CFAP52: variants seen among roughly 807,000 people sequenced by gnomAD.
The protein encoded by CFAP52 is cilia and flagella associated protein 52, also known as cilia- and flagella-associated protein 52.
CFAP52 carries 57 observed loss-of-function variants against 70.5 expected under a neutral mutation model. That is an observed-to-expected ratio of 0.81 (90% CI 0.65 to 1.01). The LOEUF (loss-of-function observed/expected upper bound fraction) is 1.01, where lower values mean the gene tolerates loss of function less well. Among genes scored for constraint, CFAP52 ranks in the 50% least tolerant of loss-of-function variants. CFAP52 has a pLI of 0.00. For missense variants in CFAP52, 785 were observed against 788.5 expected (o/e 1.00, Z 0.05); for synonymous variants, 267 against 292.5 (o/e 0.91, Z 0.89).
At chr17:9,594,893 G>GT (rs11378454) in intron 4 of CFAP52, among the ~76,000 whole-genome samples, 8,642 of 130,682 alleles carry the variant, frequency 0.066, 955 homozygotes, top group African/African-American at 0.21. Context: ...ATTAGGGAGG[G>GT]TTTTTTTTTT....
At chr17:9,594,920 T>C (rs1908932815) in intron 4 of CFAP52, among the ~76,000 whole-genome samples, 2 of 150,562 alleles carry the variant, frequency 1.3e-5, no homozygotes, top group African/African-American at 4.9e-5. Flanking sequence ...TGACAGTGTT[T>C]TGCTGTGTCA....
At chr17:9,603,148 A>G (rs967446167) in intron 6 of CFAP52, among the ~76,000 whole-genome samples, 1 of 71,564 alleles carries the variant, frequency 1.4e-5, no homozygotes, top group Non-Finnish European at 3.7e-5. Context: ...GATGCTGGCT[A>G]TCTTAGGTTT....
At chr17:9,580,302 C>T (rs190466031) in intron 1 of CFAP52, among the ~76,000 whole-genome samples, 74 of 138,656 alleles carry the variant, frequency 5.3e-4, no homozygotes, top group Non-Finnish European at 9.5e-4. Flanking sequence ...AAAATATTTA[C>T]TCTCTGGACC....
chr17:9,613,137 C>T (rs1909776402), intron 8 of CFAP52, among the ~76,000 whole-genome samples: 1 of 151,612 alleles, frequency 6.6e-6, no homozygotes, highest in African/African-American at 2.4e-5. Context: ...ATCTGTGGTA[C>T]CTGTTTTCAA....
chr17:9,631,624 G>A (rs1451265443), intron 9 of CFAP52, among the ~76,000 whole-genome samples: 1 of 152,090 alleles, frequency 6.6e-6, no homozygotes, highest in Non-Finnish European at 1.5e-5. Flanking sequence ...TGGGTAGTTG[G>A]GCTAGGGGTG....
chr17:9,631,070 G>GAAAGAAAGAAAT (rs1464484839), intron 9 of CFAP52, among the ~76,000 whole-genome samples: 1 of 130,734 alleles, frequency 7.6e-6, no homozygotes, highest in African/African-American at 3.1e-5. Flanking sequence ...AAGAAAGAAA[G>GAAAGAAAGAAAT]AAAGAAAGAA....
chr17:9,595,971 A>C lies in CFAP52; in HGVS notation c.536+1650A>C, dbSNP rs1056282147. 2.0e-5 allele frequency among the ~76,000 whole-genome samples: 3 copies of C among 149,756 alleles called. No homozygotes were observed. In the East Asian group the frequency reaches 5.8e-4, roughly 29 times the overall value. On this transcript the variant is annotated intron_variant, in intron 4 of 13. Transcript: ENST00000352665. Reference sequence around the variant, plus strand: ...ATATATAACTCTGGGAGCTAAAAAAACAAAAGAAAAACTATATATATACAT... The same window carrying C: ...ATATATAACTCTGGGAGCTAAAAAACCAAAAGAAAAACTATATATATACAT...
intron 3 of CFAP52, among the ~76,000 whole-genome samples, chr17:9,593,460 TG>T (rs1567622961): frequency 6.6e-6 from 1 of 152,180 alleles, no homozygotes; most frequent in Non-Finnish European, 1.5e-5. Flanking sequence ...TTTTTGTTTT[TG>T]TTTTTTGTTT....
At chr17:9,612,058 T>G (rs1456572030) in intron 7 of CFAP52, among the ~76,000 whole-genome samples, 1 of 152,218 alleles carries the variant, frequency 6.6e-6, no homozygotes, top group Admixed American at 6.5e-5. Flanking sequence ...CTGCCTGCAT[T>G]GCACAACCCA....
intron 7 of CFAP52, among the ~76,000 whole-genome samples, chr17:9,612,017 G>T (rs1329591303): frequency 6.6e-6 from 1 of 152,184 alleles, no homozygotes; most frequent in Non-Finnish European, 1.5e-5. Flanking sequence ...GTACCCATAT[G>T]CCTGCCTGGA....
Position 9,638,671 on chromosome 17 carries a change from C to T in CFAP52, c.1535C>T (p.Pro512Leu). The change falls in exon 12 of 14, where the codon CCT becomes CTT. Residue 512 changes from proline (P) to leucine (L), a missense_variant. By Grantham distance (98) the Pro-to-Leu change is moderately conservative. Coordinates refer to ENST00000352665, the MANE Select transcript of CFAP52 (RefSeq NM_145054.5). The stretch of plus-strand genomic sequence containing the variant: ...TTATTCCAGTGTGTGTGCTATCACC[C>T]TGAGGAGTTCCAGATCATCACCAGC... Reference protein sequence around the residue: ...NTLFQCVCYHPEEFQIITSGT... With the variant: ...NTLFQCVCYHLEEFQIITSGT... 6.2e-7 allele frequency: 1 copy of T among 1,614,164 alleles called. No homozygotes were observed. The highest frequency in any genetic ancestry group is 8.5e-7 in the Non-Finnish European group (1 of 1,180,044).
At chr17:9,631,056 A>AGAGAGAGAGAGAGAGAG (rs1229380118) in intron 9 of CFAP52, among the ~76,000 whole-genome samples, 12 of 70,886 alleles carry the variant, frequency 1.7e-4, no homozygotes, top group African/African-American at 5.5e-4. Context: ...GAGAGAGAGA[A>AGAGAGAGAGAGAGAGAG]AGAAAGAAAG....
intron 4 of CFAP52, among the ~76,000 whole-genome samples, chr17:9,594,755 G>A (rs980302652): frequency 2.0e-5 from 3 of 152,112 alleles, no homozygotes; most frequent in Admixed American, 6.6e-5. Flanking sequence ...AAATAATTAC[G>A]GGCAGGATCA....
chr17:9,594,510 A>C, intron 4 of CFAP52, 189 bp downstream of exon 4: 1 of 640,998 alleles, frequency 1.6e-6, no homozygotes, highest in Non-Finnish European at 2.3e-6. Flanking sequence ...AGTTATTTTA[A>C]AATTCTGTGA....
intron 6 of CFAP52, among the ~76,000 whole-genome samples, chr17:9,603,458 C>G (rs1909359968): frequency 6.6e-6 from 1 of 152,228 alleles, no homozygotes; most frequent in African/African-American, 2.4e-5. Flanking sequence ...ATCCACCCGC[C>G]TCGGCCTCCC....
chr17:9,638,739 C>T (rs1201559454), intron 12 of CFAP52, 28 bp downstream of exon 12: 1 of 1,606,948 alleles, frequency 6.2e-7, no homozygotes, highest in Non-Finnish European at 8.5e-7. Flanking sequence ...GAGATGAGAT[C>T]TTTCCAGCGC....
chr17:9,594,255 A>G lies in CFAP52; in HGVS notation c.470A>G (p.Asn157Ser), dbSNP rs368988398. Residue 157 changes from asparagine (N) to serine (S), a missense_variant, in exon 4 of 14, where the codon AAT (asparagine) becomes AGT (serine). Physicochemically the swap from Asn to Ser is conservative, Grantham distance 46. Coordinates refer to ENST00000352665, the MANE Select transcript of CFAP52 (RefSeq NM_145054.5). The stretch of plus-strand genomic sequence containing the variant: ...TGTGGCAGCCCTGCAGCCGGCCTCA[A>G]TGTTGGCAATGCCACCAATGTGATC... ...AICGSPAAGL[N>S]VGNATNVIFS... is the part of the protein sequence containing the mutation. 99 of 1,614,006 alleles carry G rather than the reference A, an allele frequency of 6.1e-5. No homozygotes were observed. The highest frequency in any genetic ancestry group is 4.5e-4 in the South Asian group (41 of 91,072).
intron 6 of CFAP52, 146 bp from the exon 7 acceptor site, chr17:9,607,972 CT>C: frequency 1.8e-6 from 1 of 558,924 alleles, no homozygotes; most frequent in Non-Finnish European, 3.0e-6. Flanking sequence ...TTTCATTCAG[CT>C]TTTTTCTTTT....
intron 1 of CFAP52, 136 bp downstream of exon 1, chr17:9,576,901 A>C (rs1907972988): frequency 1.1e-6 from 1 of 883,178 alleles, no homozygotes; most frequent in Non-Finnish European, 1.7e-6. Flanking sequence ...AGGGACACGC[A>C]CAGGAGGACC....
Sources: allele counts gnomAD v4.1 joint callset (sites outside exome capture counted in the v4.1 genomes callset), GRCh38; gene constraint gnomAD v4.1.1; transcripts MANE v1.5; gene names NCBI Gene and HGNC (gene_info 2026-07-23, HGNC 2026-07-21).